Variants in STAC observed in about 807,000 individuals in gnomAD.
STAC encodes SH3 and cysteine-rich domain-containing protein.
STAC carries 43 observed loss-of-function variants against 48.8 expected under a neutral mutation model. The observed-to-expected ratio is 0.88, with a 90% CI of 0.69 to 1.14. The LOEUF (loss-of-function observed/expected upper bound fraction) is 1.14. Ranked by LOEUF, STAC falls within the 50% of genes most tolerant of loss-of-function variation. The pLI is 0.00. For synonymous variants in STAC, 193 were observed against 179.5 expected (o/e 1.07, Z -0.60); for missense variants, 497 against 504.0 (o/e 0.99, Z 0.13).
chr3:36,400,268 G>A (rs1445743334), intron 1 of STAC, among the ~76,000 whole-genome samples: 1 of 152,186 alleles, frequency 6.6e-6, no homozygotes, highest in Non-Finnish European at 1.5e-5. Flanking sequence ...TATATAAATA[G>A]ACACACAGCA....
At position 36,443,591 on chromosome 3, in the gene STAC, C is replaced by T. The variant is rs149870784; in HGVS notation, c.339C>T (p.Tyr113=). 1.2e-6 allele frequency: 2 copies of T among 1,613,944 alleles called. No homozygotes were observed. The highest frequency in any genetic ancestry group is 1.3e-5 in the African/African-American group (1 of 74,926). Residue 113 remains tyrosine (Y), a synonymous_variant, in exon 2 of 11, where the codon TAC becomes TAT. Transcript: ENST00000273183. The surrounding 1 kb of genome is among the most constrained non-coding windows in gnomAD (Gnocchi z 4.2). ...PGGKAHAFQE[Y]IFKKPTFCDV... is the part of the protein sequence containing the mutation. ...GCAAGGCTCATGCCTTTCAGGAATA[C>T]ATCTTCAAGAAGCCCACTTTCTGTG...
chr3:36,488,705 G>A (rs914074444), intron 5 of STAC, among the ~76,000 whole-genome samples: 1 of 152,056 alleles, frequency 6.6e-6, no homozygotes, highest in African/African-American at 2.4e-5. Context: ...TAATATCAAA[G>A]ATACCCTTAG....
intron 2 of STAC, among the ~76,000 whole-genome samples, chr3:36,451,428 G>A (rs1559496825): frequency 6.6e-6 from 1 of 151,862 alleles, no homozygotes; most frequent in East Asian, 1.9e-4. Context: ...AATCAATTCA[G>A]ATTTTTATTG....
At chr3:36,493,123 T>C in intron 5 of STAC, 28 bp from the exon 6 acceptor site, 2 of 1,602,122 alleles carry the variant, frequency 1.2e-6, no homozygotes, top group Non-Finnish European at 1.7e-6. Flanking sequence ...ACATTGTTCA[T>C]CCCATGCTCT....
intron 5 of STAC, among the ~76,000 whole-genome samples, chr3:36,487,132 G>A (rs1697835354): frequency 6.6e-6 from 1 of 152,252 alleles, no homozygotes; most frequent in Non-Finnish European, 1.5e-5. Flanking sequence ...ACATGCCTGG[G>A]AGGGGTTCTC....
chr3:36,490,300 G>T (rs1697932865), intron 5 of STAC, among the ~76,000 whole-genome samples: 1 of 152,154 alleles, frequency 6.6e-6, no homozygotes, highest in Admixed American at 6.5e-5. Flanking sequence ...TGCTGTCAAT[G>T]AGTTGCTTCC....
intron 1 of STAC, among the ~76,000 whole-genome samples, chr3:36,410,723 T>C (rs1051327048): frequency 6.6e-6 from 1 of 152,262 alleles, no homozygotes; most frequent in South Asian, 2.1e-4. Flanking sequence ...TGGTAACATA[T>C]TGATGTATTC....
chr3:36,397,975 A>T (rs980990964), intron 1 of STAC, among the ~76,000 whole-genome samples: 1 of 151,952 alleles, frequency 6.6e-6, no homozygotes, highest in Admixed American at 6.6e-5. Flanking sequence ...GGAGATATTT[A>T]AAACTTGTGT....
At chr3:36,395,712 T>C (rs1234540683) in intron 1 of STAC, among the ~76,000 whole-genome samples, 1 of 152,146 alleles carries the variant, frequency 6.6e-6, no homozygotes, top group African/African-American at 2.4e-5. Context: ...TCATCAAGAA[T>C]TAAAAGTGTT....
chr3:36,422,834 A>G (rs929165394), intron 1 of STAC, among the ~76,000 whole-genome samples: 1 of 152,148 alleles, frequency 6.6e-6, no homozygotes, highest in Non-Finnish European at 1.5e-5. Flanking sequence ...ATACCAGCCA[A>G]TGGTATTTGT....
chr3:36,380,716 C>G lies in STAC; in HGVS notation c.73C>G (p.Pro25Ala). ...CAAGGAGGCGGTGGGCGCCGAGCAACCGCCCTCTCCTGCATCCACCAGCAG... is the reference window on the plus strand; with the variant it reads ...CAAGGAGGCGGTGGGCGCCGAGCAAGCGCCCTCTCCTGCATCCACCAGCAG... ...LPKEAVGAEQ[P>A]PSPASTSSQE... Residue 25 changes from proline (P) to alanine (A), a missense_variant, in exon 1 of 11, where the codon CCG (proline) becomes GCG (alanine). Pro to Ala is a conservative substitution (Grantham distance 27). Transcript: ENST00000273183. 1 of 1,611,932 alleles carries G rather than the reference C, an allele frequency of 6.2e-7. No individual in the cohort carries two copies. The highest frequency in any genetic ancestry group is 8.5e-7 in the Non-Finnish European group (1 of 1,179,262).
intron 1 of STAC, among the ~76,000 whole-genome samples, chr3:36,392,645 G>A (rs936492196): frequency 6.6e-6 from 1 of 152,134 alleles, no homozygotes; most frequent in Non-Finnish European, 1.5e-5. Context: ...TGGAATTATA[G>A]TCATGAGCCC....
chr3:36,415,218 C>G (rs1039386473), intron 1 of STAC, among the ~76,000 whole-genome samples: 4 of 152,248 alleles, frequency 2.6e-5, no homozygotes, highest in Admixed American at 2.6e-4. Flanking sequence ...ACATTTAAGT[C>G]TGCAGAGGTT....
At chr3:36,499,667 AAAAG>A (rs1698235477) in intron 6 of STAC, among the ~76,000 whole-genome samples, 1 of 152,096 alleles carries the variant, frequency 6.6e-6, no homozygotes, top group African/African-American at 2.4e-5. Flanking sequence ...CACTCTAGAT[AAAAG>A]AAAGATTTTC....
rs1698351453 is a variant in STAC, at chr3:36,504,462, T to C, written c.831+5T>C. 9 of 1,613,248 alleles carry C rather than the reference T, an allele frequency of 5.6e-6. No individual in the cohort carries two copies. The highest frequency in any genetic ancestry group is 1.1e-5 in the South Asian group (1 of 91,056). On this transcript the variant is annotated splice_donor_5th_base_variant and intron_variant, in intron 7 of 10. Coordinates refer to ENST00000273183, the MANE Select transcript of STAC (RefSeq NM_003149.3). ...GCGAAGAACATAAACCACCAGGTAT[T>C]TATGGATGTCACAGAAGACAAGTCA...
intron 10 of STAC, among the ~76,000 whole-genome samples, chr3:36,540,783 C>A (rs1213573270): frequency 6.6e-6 from 1 of 152,100 alleles, no homozygotes; most frequent in Non-Finnish European, 1.5e-5. Flanking sequence ...GTGATTTTGG[C>A]CTTATAAAAC....
intron 6 of STAC, 147 bp downstream of exon 6, chr3:36,493,376 G>A (rs1449180591): frequency 1.5e-6 from 1 of 678,132 alleles, no homozygotes; most frequent in African/African-American, 1.8e-5. Flanking sequence ...GAGAATGTGA[G>A]CATTGTTTCT....
rs1170614442 is a variant in STAC, at chr3:36,441,576, A to G, written c.112-1788A>G. 2.6e-5 allele frequency among the ~76,000 whole-genome samples: 4 copies of G among 152,214 alleles called. No homozygotes were observed. The East Asian group carries it at 7.7e-4, about 29-fold the overall frequency. On this transcript the variant is annotated intron_variant, in intron 1 of 10. Transcript: ENST00000273183. ...AACATGGGGGTGCAGATGTCTCCTC[A>G]GTATAATGATTCCCTTTCCTTTAGA... is the stretch of plus-strand genomic sequence containing the variant.
At chr3:36,407,083 G>T (rs1460752468) in intron 1 of STAC, among the ~76,000 whole-genome samples, 1 of 152,156 alleles carries the variant, frequency 6.6e-6, no homozygotes, top group African/African-American at 2.4e-5. Flanking sequence ...ATGGAAAAGC[G>T]TATGTAGACT....
Sources: allele counts gnomAD v4.1 joint callset (sites outside exome capture counted in the v4.1 genomes callset), GRCh38; gene constraint gnomAD v4.1.1; non-coding constraint Gnocchi (gnomAD v3.1); transcripts MANE v1.5; gene names NCBI Gene and HGNC (gene_info 2026-07-23, HGNC 2026-07-21).